The following BSN variants were observed in gnomAD, a reference collection of about 807,000 sequenced individuals.
BSN encodes bassoon presynaptic cytomatrix protein.
A neutral mutation model predicts 264.8 loss-of-function variants in BSN; 57 were observed. The observed-to-expected ratio is 0.22, with a 90% CI of 0.17 to 0.27. The LOEUF (loss-of-function observed/expected upper bound fraction) is 0.27, where lower values mean the gene tolerates loss of function less well. Among genes scored for constraint, BSN ranks in the 10% least tolerant of loss-of-function variants. The pLI, the probability that BSN is intolerant of heterozygous loss-of-function variation, is 1.00. For missense variants in BSN, 4,615 were observed against 5,232.5 expected (o/e 0.88, Z 3.64); for synonymous variants, 2,059 against 2,137.3 (o/e 0.96, Z 1.01).
Position 49,656,407 on chromosome 3 carries a change from A to G in BSN, c.6851A>G (p.Lys2284Arg), listed in dbSNP as rs964807465. The G allele has an allele frequency of 6.3e-7, 1 of 1,589,728 alleles. No homozygotes were observed. The highest frequency in any genetic ancestry group is 1.7e-5 in the Admixed American group (1 of 57,456). Reference protein sequence around the residue: ...PPAEGPVYLGKPAAAKAPGAG... With the variant: ...PPAEGPVYLGRPAAAKAPGAG... ...GCAGAAGGGCCTGTCTATCTGGGGA[A>G]ACCTGCTGCTGCCAAGGCCCCTGGG... Residue 2284 changes from lysine (K) to arginine (R), a missense_variant, in exon 5 of 12, where the codon AAA becomes AGA. Transcript: ENST00000296452.
chr3:49,612,427 G>A (rs147727236), intron 1 of BSN, among the ~76,000 whole-genome samples: 24 of 152,336 alleles, frequency 1.6e-4, no homozygotes, highest in Middle Eastern at 3.4e-3. Context: ...GAGCCACCAC[G>A]CCTGGCCAAA....
chr3:49,567,449 C>A (rs1040455317), intron 1 of BSN, among the ~76,000 whole-genome samples: 1 of 152,212 alleles, frequency 6.6e-6, no homozygotes, highest in Non-Finnish European at 1.5e-5. Flanking sequence ...TGCATGCTGG[C>A]TAGAATTCAC....
In BSN at chr3:49,669,967, C is replaced by T. The variant is rs531656682; in HGVS notation, c.*2482C>T. The T allele has an allele frequency of 6.5e-6, 1 of 152,784 alleles. No individual in the cohort carries two copies. The highest frequency in any genetic ancestry group is 2.4e-5 in the African/African-American group (1 of 41,584). 9.5% of individuals were successfully genotyped at this position (152,784 alleles called of 1,614,324 possible). On this transcript the variant is annotated 3_prime_UTR_variant, in exon 12 of 12. Transcript: ENST00000296452. ...TCGTCCAGAGTGCTCTGGTTTGCAC[C>T]ATGCATTTCTCAGGGGTCCGCATTT...
intron 1 of BSN, among the ~76,000 whole-genome samples, chr3:49,579,837 A>G (rs1008328903): frequency 6.1e-5 from 9 of 147,102 alleles, no homozygotes; most frequent in Admixed American, 5.5e-4. Flanking sequence ...TATCAAGATG[A>G]TCATGTAGTT....
chr3:49,587,951 TC>T (rs2051949567), intron 1 of BSN, among the ~76,000 whole-genome samples: 1 of 149,554 alleles, frequency 6.7e-6, no homozygotes, highest in East Asian at 1.9e-4. Flanking sequence ...GACAAGAGTC[TC>T]GCTCTGTCGC....
intron 1 of BSN, among the ~76,000 whole-genome samples, chr3:49,561,686 T>C (rs1292340131): frequency 6.6e-6 from 1 of 152,244 alleles, no homozygotes; most frequent in Non-Finnish European, 1.5e-5. Context: ...TGACTTAACA[T>C]ACTTACCATT....
rs150741274 is a variant in BSN at position 49,662,148 on chromosome 3, C to T, written c.10303C>T (p.Arg3435Cys). The T allele has an allele frequency of 4.2e-5, 67 of 1,613,454 alleles. No homozygotes were observed. In the Middle Eastern group the frequency reaches 2.0e-3, roughly 48 times the overall value. The change falls in exon 6 of 12, where the codon CGC becomes TGC. Residue 3435 changes from arginine (R) to cysteine (C), a missense_variant. Physicochemically the swap from Arg to Cys is radical, Grantham distance 180. This residue lies in a region of BSN where 3,415 missense variants were observed against 3,866.4 expected (regional missense o/e 0.88). Transcript: ENST00000296452. ...CAGCCGGGACGCAGTGGAGGACGAC[C>T]GCATTTATGGCGGGAGCAGCCGGTC... ...MSSRDAVEDD[R>C]IYGGSSRSRA...
chr3:49,652,424 G>A lies in BSN; in HGVS notation c.2868G>A (p.Leu956=). The A allele has an allele frequency of 6.2e-7, 1 of 1,612,480 alleles. No homozygotes were observed. The change falls in exon 5 of 12, where the codon CTG becomes CTA. Residue 956 remains leucine (L), a synonymous_variant. Transcript: ENST00000296452. ...LDLGQGPDPS[L]DREPELEMES... is the part of the protein sequence containing the mutation. ...TGGGCCAAGGCCCAGACCCCAGTCT[G>A]GACCGGGAGCCTGAGCTGGAGATGG...
intron 2 of BSN, among the ~76,000 whole-genome samples, chr3:49,633,448 G>A (rs1469174948): frequency 1.3e-5 from 2 of 152,138 alleles, no homozygotes; most frequent in African/African-American, 4.8e-5. Flanking sequence ...CAAGAATGTG[G>A]AGAAATTGGA....
intron 1 of BSN, among the ~76,000 whole-genome samples, chr3:49,555,798 G>A (rs2051664029): frequency 6.6e-6 from 1 of 152,192 alleles, no homozygotes; most frequent in African/African-American, 2.4e-5. Context: ...GGGGTGGGAG[G>A]GAGGTGCTTC....
chr3:49,655,718 C>T lies in BSN; in HGVS notation c.6162C>T (p.His2054=), dbSNP rs539153562. 26 of 1,613,432 alleles carry T rather than the reference C, an allele frequency of 1.6e-5. No homozygotes were observed. The highest frequency in any genetic ancestry group is 2.2e-5 in the Non-Finnish European group (26 of 1,180,052). The part of the protein sequence containing the change: ...DLRHPTDLLA[H]PLPMRRYSSV... ...GTCATCCTACAGACCTTTTGGCTCA[C>T]CCGCTTCCCATGCGGCGCTATAGCT... Residue 2054 remains histidine, a synonymous_variant, in exon 5 of 12, where the codon CAC becomes CAT. Transcript: ENST00000296452.
In BSN at chr3:49,651,528, T is replaced by C; in HGVS notation, c.1987-15T>C. The stretch of plus-strand genomic sequence containing the variant: ...TGCCATGGGGAGTCAGTGTCTGCTT[T>C]TCACCCTGCTGCAGGACCTGGTGGG... On this transcript the variant is annotated splice_polypyrimidine_tract_variant and intron_variant, in intron 4 of 11. Coordinates refer to ENST00000296452, the MANE Select transcript of BSN (RefSeq NM_003458.4). The surrounding 1 kb of genome is among the most constrained non-coding windows in gnomAD (Gnocchi z 5.4). 6.5e-7 allele frequency: 1 copy of C among 1,540,788 alleles called. No individual in the cohort carries two copies. Among genetic ancestry groups the C allele is most frequent in the Non-Finnish European group, 8.8e-7 (1 of 1,142,582 alleles).
intron 1 of BSN, among the ~76,000 whole-genome samples, chr3:49,597,292 G>A (rs942778345): frequency 6.6e-6 from 1 of 152,024 alleles, no homozygotes; most frequent in Admixed American, 6.6e-5. Flanking sequence ...TCAAATGTAG[G>A]ATTTTTTTCA....
At position 49,585,053 on chromosome 3, in the gene BSN, A is replaced by G. The variant is rs936982878; in HGVS notation, c.224+30227A>G. Among the ~76,000 whole-genome samples the G allele has an allele frequency of 1.3e-5, 2 of 152,312 alleles. No homozygotes were observed. Among genetic ancestry groups the G allele is most frequent in the African/African-American group, 2.4e-5 (1 of 41,564 alleles). On this transcript the variant is annotated intron_variant, in intron 1 of 11. Transcript: ENST00000296452. The surrounding 1 kb of genome is among the most constrained non-coding windows in gnomAD (Gnocchi z 4.7). Reference sequence around the variant, plus strand: ...TCCATTCAGCTGTTGTTAGACACCTAGGTTGCTTCGAAATCTTAGCTATTA... The same window carrying G: ...TCCATTCAGCTGTTGTTAGACACCTGGGTTGCTTCGAAATCTTAGCTATTA...
intron 1 of BSN, among the ~76,000 whole-genome samples, chr3:49,605,896 ATGTC>A (rs1228232357): frequency 1.3e-4 from 4 of 30,302 alleles, no homozygotes; most frequent in Admixed American, 7.1e-4. Flanking sequence ...AAATATATTT[ATGTC>A]TATATAAATA....
chr3:49,600,034 C>T (rs1008617064), intron 1 of BSN, among the ~76,000 whole-genome samples: 1 of 152,172 alleles, frequency 6.6e-6, no homozygotes, highest in Non-Finnish European at 1.5e-5. Flanking sequence ...ATTCAAGGAG[C>T]CAGAAGAAAC....
intron 1 of BSN, among the ~76,000 whole-genome samples, chr3:49,605,291 ATT>A (rs1247551229): frequency 9.6e-6 from 1 of 104,418 alleles, no homozygotes; most frequent in South Asian, 2.5e-4. Context: ...ATACATATAT[ATT>A]TTATATATTA....
intron 1 of BSN, among the ~76,000 whole-genome samples, chr3:49,599,472 C>T (rs1162833315): frequency 6.6e-6 from 1 of 151,956 alleles, no homozygotes; most frequent in East Asian, 1.9e-4. Flanking sequence ...GAAAGGGGAC[C>T]CCATCTTCTT....
At chr3:49,574,054 A>T (rs1248078340) in intron 1 of BSN, among the ~76,000 whole-genome samples, 1 of 151,904 alleles carries the variant, frequency 6.6e-6, no homozygotes, top group South Asian at 2.1e-4. Flanking sequence ...GGCTCAAGCA[A>T]TCCTCTCACC....
Sources: allele counts gnomAD v4.1 joint callset (sites outside exome capture counted in the v4.1 genomes callset), GRCh38; gene constraint gnomAD v4.1.1; regional missense constraint gnomAD v4.1.1; non-coding constraint Gnocchi (gnomAD v3.1); transcripts MANE v1.5; gene names NCBI Gene and HGNC (gene_info 2026-07-23, HGNC 2026-07-21).